SHANK2: variants seen among roughly 807,000 people sequenced by gnomAD.
SHANK2 encodes SH3 and multiple ankyrin repeat domains protein 2.
SHANK2 carries 43 observed loss-of-function variants against 133.7 expected under a neutral mutation model. That is an observed-to-expected ratio of 0.32 (90% CI 0.25 to 0.41). SHANK2 has a LOEUF of 0.41. SHANK2 is among the 10% of genes least tolerant of loss of function. The pLI is 1.00. For synonymous variants in SHANK2, 1,017 were observed against 952.8 expected (o/e 1.07, Z -1.24); for missense variants, 1,994 against 2,235.8 (o/e 0.89, Z 2.18).
chr11:70,616,309 G>A (rs782537150), intron 17 of SHANK2, among the ~76,000 whole-genome samples: 1 of 152,050 alleles, frequency 6.6e-6, no homozygotes, highest in Non-Finnish European at 1.5e-5. Context: ...GTCTGTTGGC[G>A]ACCCCACACT....
intron 17 of SHANK2, among the ~76,000 whole-genome samples, chr11:70,574,117 T>C (rs2060085708): frequency 6.6e-6 from 1 of 152,252 alleles, no homozygotes. Context: ...CCAGTTCCTC[T>C]TGTCTATGAC....
intron 10 of SHANK2, among the ~76,000 whole-genome samples, chr11:70,898,620 A>G (rs990760638): frequency 6.6e-6 from 1 of 152,222 alleles, no homozygotes; most frequent in East Asian, 1.9e-4. Flanking sequence ...ATAAAATCAG[A>G]TATTTAGCTG....
At chr11:70,938,867 C>T (rs572898186) in intron 10 of SHANK2, among the ~76,000 whole-genome samples, 2 of 152,296 alleles carry the variant, frequency 1.3e-5, no homozygotes, top group South Asian at 4.1e-4. Context: ...AACCGCCACA[C>T]TCAGAGGGCC....
At chr11:70,800,376 C>T (rs1267931525) in intron 13 of SHANK2, among the ~76,000 whole-genome samples, 1 of 152,214 alleles carries the variant, frequency 6.6e-6, no homozygotes, top group African/African-American at 2.4e-5. Context: ...TCAACACCTT[C>T]ACTCCCTCCT....
intron 17 of SHANK2, among the ~76,000 whole-genome samples, chr11:70,575,781 C>T (rs1350319841): frequency 2.0e-5 from 3 of 151,452 alleles, no homozygotes; most frequent in African/African-American, 4.8e-5. Context: ...TCTGCATAGC[C>T]CCCGCCCGTG....
chr11:70,499,467 G>A (rs533939257), intron 21 of SHANK2, among the ~76,000 whole-genome samples: 129 of 152,286 alleles, frequency 8.5e-4, no homozygotes, highest in African/African-American at 2.7e-3. Context: ...CCTGAGTCCC[G>A]AACTGTTCTC....
At chr11:70,895,657 C>T (rs1280402580) in intron 11 of SHANK2, 1 of 152,514 alleles carries the variant, frequency 6.6e-6, no homozygotes, top group Non-Finnish European at 1.5e-5. Context: ...CTGGCTCTCT[C>T]TCCACCCTCA....
intron 3 of SHANK2, among the ~76,000 whole-genome samples, chr11:71,125,799 A>C (rs1449554782): frequency 6.6e-6 from 1 of 152,236 alleles, no homozygotes; most frequent in Non-Finnish European, 1.5e-5. Context: ...AGAGACAAGA[A>C]GTCAACATCT....
intron 17 of SHANK2, among the ~76,000 whole-genome samples, chr11:70,553,706 G>A (rs1199484072): frequency 2.0e-5 from 3 of 152,248 alleles, no homozygotes; most frequent in Non-Finnish European, 2.9e-5. Flanking sequence ...GGGGGAACAT[G>A]CAGCAGAACA....
chr11:71,136,756 G>C (rs1198575059), intron 3 of SHANK2, among the ~76,000 whole-genome samples: 3 of 152,212 alleles, frequency 2.0e-5, no homozygotes, highest in Non-Finnish European at 4.4e-5. Flanking sequence ...GCTGGAAGTG[G>C]GGGTGGGGAT....
rs545874584 is a variant in SHANK2, at chr11:70,550,391, G to A, written c.2062-47460C>T. 2.3e-4 allele frequency among the ~76,000 whole-genome samples: 35 copies of A among 152,262 alleles called. No individual in the cohort carries two copies. The East Asian group carries it at 6.6e-3, about 29-fold the overall frequency. On this transcript the variant is annotated intron_variant, in intron 17 of 25. Transcript: ENST00000601538. The stretch of plus-strand genomic sequence containing the variant: ...TCCCCTGCTGGAGCCTGCTGCATGC[G>A]TACCCCCAGGTGGGCTGGGGCAGGG...
chr11:70,496,474 C>A (rs1486806749), intron 21 of SHANK2, among the ~76,000 whole-genome samples: 1 of 152,182 alleles, frequency 6.6e-6, no homozygotes, highest in Non-Finnish European at 1.5e-5. Flanking sequence ...CTGCGGCAGG[C>A]ATCTTGTTAA....
At chr11:71,111,521 T>C (rs1458617372) in intron 5 of SHANK2, among the ~76,000 whole-genome samples, 2 of 152,240 alleles carry the variant, frequency 1.3e-5, no homozygotes, top group African/African-American at 2.4e-5. Flanking sequence ...TGAGCAGGAC[T>C]GTGGGACTTG....
chr11:70,894,761 G>C (rs1454832612), intron 11 of SHANK2, among the ~76,000 whole-genome samples: 1 of 152,162 alleles, frequency 6.6e-6, no homozygotes, highest in Non-Finnish European at 1.5e-5. Flanking sequence ...TCTGCCTCCA[G>C]GGGTGCCAGC....
intron 6 of SHANK2, among the ~76,000 whole-genome samples, chr11:71,103,586 T>C (rs782189963): frequency 1.6e-4 from 24 of 152,170 alleles, no homozygotes; most frequent in Non-Finnish European, 2.5e-4. Flanking sequence ...TCTGGAACTC[T>C]ATTAAAGGTG....
At chr11:71,169,556 G>A (rs1432899225) in intron 2 of SHANK2, among the ~76,000 whole-genome samples, 1 of 152,110 alleles carries the variant, frequency 6.6e-6, no homozygotes, top group Non-Finnish European at 1.5e-5. Context: ...TTCAAGATCA[G>A]CCTGGCCAAC....
At position 70,830,355 on chromosome 11, in the gene SHANK2, G is replaced by A. The variant is rs1015384121; in HGVS notation, c.1175-9673C>T. ...TGTTCCGTGTGAGTGTTTGGGGTCC[G>A]GGCCCTCCCAGAAATCCACACTTGG... On this transcript the variant is annotated intron_variant, in intron 11 of 25. Coordinates refer to ENST00000601538, the MANE Select transcript of SHANK2 (RefSeq NM_012309.5). This position sits in a 1 kb window ranked among gnomAD's most constrained non-coding sequence, Gnocchi z 4.4. 8.5e-5 allele frequency among the ~76,000 whole-genome samples: 13 copies of A among 152,106 alleles called. No individual in the cohort carries two copies. Among genetic ancestry groups the A allele is most frequent in the East Asian group, 1.9e-4 (1 of 5,174 alleles).
intron 11 of SHANK2, among the ~76,000 whole-genome samples, chr11:70,867,067 G>A (rs1268715945): frequency 1.3e-5 from 2 of 151,314 alleles, no homozygotes; most frequent in Admixed American, 6.6e-5. Context: ...GCACAGAAGG[G>A]AAACAGGACC....
Position 70,801,896 on chromosome 11 carries a change from C to G in SHANK2, c.1664-3340G>C, listed in dbSNP as rs531114598. Reference sequence around the variant, plus strand: ...TGTCAAGGACCCTGTCCCTGGAGCCCCAGACTTGCAGGGGAATACGGTGTG... The same window carrying G: ...TGTCAAGGACCCTGTCCCTGGAGCCGCAGACTTGCAGGGGAATACGGTGTG... On this transcript the variant is annotated intron_variant, in intron 13 of 25. Coordinates refer to ENST00000601538, the MANE Select transcript of SHANK2 (RefSeq NM_012309.5). 1.7e-4 allele frequency among the ~76,000 whole-genome samples: 26 copies of G among 152,240 alleles called. No individual in the cohort carries two copies. The East Asian group carries it at 4.3e-3, about 25-fold the overall frequency.
Sources: gnomAD v4.1 joint callset for allele counts (sites outside exome capture counted in the v4.1 genomes callset) on GRCh38, gnomAD v4.1.1 for gene constraint, Gnocchi (gnomAD v3.1) non-coding constraint, MANE v1.5 for transcripts, NCBI Gene and HGNC (gene_info 2026-07-23, HGNC 2026-07-21) for gene names.